The following PPP2R2B variants were observed in gnomAD, a reference collection of about 807,000 sequenced individuals.
The protein encoded by PPP2R2B is protein phosphatase 2 regulatory subunit Bbeta, also known as serine/threonine-protein phosphatase 2A 55 kDa regulatory subunit B beta isoform.
In PPP2R2B, 5 loss-of-function variants were observed where a neutral mutation model predicts 46.0. The ratio of observed to expected loss-of-function variants is 0.11; its 90% CI spans 0.06 to 0.23. The LOEUF is 0.23. PPP2R2B is among the 10% of genes least tolerant of loss of function. PPP2R2B has a pLI of 1.00. For synonymous variants in PPP2R2B, 215 were observed against 206.7 expected, an observed-to-expected ratio of 1.04 and a Z score of -0.34; for missense variants, 367 against 575.0, an observed-to-expected ratio of 0.64 and a Z score of 3.70.
intron 1 of PPP2R2B, among the ~76,000 whole-genome samples, chr5:146,885,371 CA>C (rs1296388211): frequency 6.6e-6 from 1 of 152,158 alleles, no homozygotes; most frequent in Admixed American, 6.5e-5. Flanking sequence ...GTTTAGGTCA[CA>C]ACAGAATCAC....
intron 2 of PPP2R2B, among the ~76,000 whole-genome samples, chr5:146,829,342 T>C: frequency 6.6e-6 from 1 of 152,232 alleles, no homozygotes. Context: ...CAATTGTAGG[T>C]TGCCAAAGAA....
intron 5 of PPP2R2B, among the ~76,000 whole-genome samples, chr5:146,672,395 A>T (rs1342669799): frequency 6.6e-6 from 1 of 152,088 alleles, no homozygotes; most frequent in Non-Finnish European, 1.5e-5. Flanking sequence ...AGAAGTCCTG[A>T]ATTTGCTCAG....
intron 2 of PPP2R2B, among the ~76,000 whole-genome samples, chr5:146,716,519 A>G (rs1265818556): frequency 2.0e-5 from 3 of 152,204 alleles, no homozygotes; most frequent in Non-Finnish European, 4.4e-5. Context: ...TGAGGATCCA[A>G]TAAAAGCTAT....
At chr5:146,978,429 C>G (rs953577834) in intron 1 of PPP2R2B, among the ~76,000 whole-genome samples, 1 of 152,128 alleles carries the variant, frequency 6.6e-6, no homozygotes, top group Non-Finnish European at 1.5e-5. Flanking sequence ...GTGTTTTAGT[C>G]ATGAAGTCTC....
chr5:147,076,899 G>A (rs1200388293), intron 2 of PPP2R2B, among the ~76,000 whole-genome samples: 1 of 151,752 alleles, frequency 6.6e-6, no homozygotes, highest in South Asian at 2.1e-4. Flanking sequence ...GCTTATTGTT[G>A]AACTCACAGT....
intron 2 of PPP2R2B, among the ~76,000 whole-genome samples, chr5:146,843,356 A>G (rs997888634): frequency 6.6e-6 from 1 of 152,232 alleles, no homozygotes; most frequent in African/African-American, 2.4e-5. Flanking sequence ...GCTTACAATC[A>G]AATTGCTTTA....
At chr5:147,051,374 A>C (rs1756808532) in intron 1 of PPP2R2B, among the ~76,000 whole-genome samples, 1 of 152,172 alleles carries the variant, frequency 6.6e-6, no homozygotes, top group Admixed American at 6.5e-5. Context: ...GCACACAGCC[A>C]GTGGTCCACA....
chr5:146,975,092 T>C (rs1288201730), intron 1 of PPP2R2B, among the ~76,000 whole-genome samples: 1 of 152,188 alleles, frequency 6.6e-6, no homozygotes, highest in African/African-American at 2.4e-5. Flanking sequence ...AAACTCACAT[T>C]ATTGTTCAAC....
At chr5:146,619,974 A>G (rs1773535001) in intron 7 of PPP2R2B, among the ~76,000 whole-genome samples, 3 of 152,188 alleles carry the variant, frequency 2.0e-5, no homozygotes, top group Admixed American at 1.3e-4. Context: ...TAGTTAGGGA[A>G]TTGGCCCCAC....
chr5:146,783,221 A>G (rs1755642378), intron 2 of PPP2R2B, among the ~76,000 whole-genome samples: 1 of 152,174 alleles, frequency 6.6e-6, no homozygotes. Flanking sequence ...AGAAGCATGC[A>G]TGGTCATAGT....
chr5:146,805,140 T>C (rs1380573528), intron 2 of PPP2R2B, among the ~76,000 whole-genome samples: 1 of 152,168 alleles, frequency 6.6e-6, no homozygotes, highest in South Asian at 2.1e-4. Context: ...CTTAGATCAA[T>C]AGAATGCAGG....
At chr5:146,856,862 G>T (rs1456484807) in intron 2 of PPP2R2B, among the ~76,000 whole-genome samples, 2 of 152,294 alleles carry the variant, frequency 1.3e-5, no homozygotes, top group Admixed American at 6.5e-5. Context: ...ATCATCATCA[G>T]CAGCAGTAGG....
intron 1 of PPP2R2B, among the ~76,000 whole-genome samples, chr5:146,950,782 T>C (rs778331103): frequency 2.4e-4 from 37 of 152,014 alleles, no homozygotes; most frequent in Non-Finnish European, 5.3e-4. Flanking sequence ...AAAGTCATGG[T>C]ATAATTTCCA....
At chr5:146,850,828 C>A (rs1242405858) in intron 2 of PPP2R2B, among the ~76,000 whole-genome samples, 2 of 152,054 alleles carry the variant, frequency 1.3e-5, no homozygotes, top group African/African-American at 2.4e-5. Context: ...GTATCTAACC[C>A]CATAGCTGGT....
intron 5 of PPP2R2B, among the ~76,000 whole-genome samples, chr5:146,664,700 C>T (rs925698600): frequency 2.0e-5 from 3 of 152,066 alleles, no homozygotes; most frequent in East Asian, 1.9e-4. Context: ...ATGGTGAGTG[C>T]GTCCCAGAAG....
rs1770283106 is a variant in PPP2R2B, at chr5:146,588,453, A to C, written c.*1494T>G. On this transcript the variant is annotated 3_prime_UTR_variant, in exon 10 of 10. Transcript: ENST00000394411. ...TAAACTGAAAGAAAATTTCCCTTTCATTGAAAAACTCTCATCTCAAACCAT... is the reference window on the plus strand; with the variant it reads ...TAAACTGAAAGAAAATTTCCCTTTCCTTGAAAAACTCTCATCTCAAACCAT... 6.6e-6 allele frequency: 1 copy of C among 152,210 alleles called. No homozygotes were observed. The highest frequency in any genetic ancestry group is 6.5e-5 in the Admixed American group (1 of 15,278). 9.4% of individuals were successfully genotyped at this position (152,210 alleles called of 1,614,324 possible). A position where few individuals can be genotyped will look rare whatever the true frequency, so the allele number is the denominator to read the frequency against.
chr5:146,909,005 T>A (rs1763094114), intron 1 of PPP2R2B, among the ~76,000 whole-genome samples: 1 of 151,960 alleles, frequency 6.6e-6, no homozygotes. Flanking sequence ...ATCCTTCAGA[T>A]CAGCTCCTGG....
intron 1 of PPP2R2B, among the ~76,000 whole-genome samples, chr5:146,925,267 A>G (rs1024203410): frequency 3.3e-5 from 5 of 152,202 alleles, no homozygotes; most frequent in East Asian, 1.9e-4. Context: ...GATTTGTGCT[A>G]TCATAGAGTA....
intron 1 of PPP2R2B, among the ~76,000 whole-genome samples, chr5:146,997,108 C>G (rs1467237347): frequency 6.6e-6 from 1 of 152,130 alleles, no homozygotes; most frequent in Non-Finnish European, 1.5e-5. Context: ...ATGAAATGTA[C>G]TCAGTTGTTA....
Sources: gnomAD v4.1 joint callset for allele counts (sites outside exome capture counted in the v4.1 genomes callset) on GRCh38, gnomAD v4.1.1 for gene constraint, MANE v1.5 for transcripts, NCBI Gene and HGNC (gene_info 2026-07-23, HGNC 2026-07-21) for gene names.